Variants in LRRC9 observed in about 807,000 individuals in gnomAD.
LRRC9 encodes the protein leucine rich repeat containing 9.
A neutral mutation model predicts 63.2 loss-of-function variants in LRRC9; 122 were observed. That is an observed-to-expected ratio of 1.93 (90% confidence interval 1.67 to 2.24). The LOEUF (loss-of-function observed/expected upper bound fraction) is 2.24. Among genes scored for constraint, LRRC9 ranks in the 30% most tolerant of loss-of-function variants. The pLI, the probability that LRRC9 is intolerant of heterozygous loss-of-function variation, is 0.00. For missense variants in LRRC9, 1,071 were observed against 627.7 expected (o/e 1.71, Z -7.55); for synonymous variants, 366 against 213.1 (o/e 1.72, Z -6.25).
At chr14:59,982,004 T>C (rs1367513774) in exon 16 of LRRC9, 1 of 702,592 alleles carries the variant, frequency 1.4e-6, no homozygotes, top group East Asian at 2.7e-5. Flanking sequence ...ACTGATTAGT[T>C]TGGATGATAA....
intron 30 of LRRC9, among the ~76,000 whole-genome samples, chr14:60,056,988 G>A (rs1243384551): frequency 6.6e-6 from 1 of 152,172 alleles, no homozygotes; most frequent in Non-Finnish European, 1.5e-5. Context: ...GTGATGGGAA[G>A]AAACTCCCAT....
rs200963575 is a variant in LRRC9, at chr14:59,962,409, A to AT, written c.1211+1376dup. On this transcript the variant is annotated intron_variant, in intron 10 of 31. Coordinates refer to ENST00000445360, the Ensembl canonical transcript of LRRC9. The surrounding 1 kb of genome is among the most constrained non-coding windows in gnomAD (Gnocchi z 5.1). The stretch of plus-strand genomic sequence containing the variant: ...TTTATATTCACTCAACCTAAACAGG[A>AT]TTTTTTTTTTTTGAGATAGAGTCTC... 0.019 allele frequency among the ~76,000 whole-genome samples: 2,736 copies of AT among 146,996 alleles called. 107 individuals carry two copies. The East Asian group carries it at 0.19, about 10-fold the overall frequency.
At position 59,958,787 on chromosome 14, in the gene LRRC9, T is replaced by C. The variant is rs960360147; in HGVS notation, c.883-1031T>C. On this transcript the variant is annotated intron_variant, in intron 8 of 31. Coordinates refer to ENST00000445360, the Ensembl canonical transcript of LRRC9. The surrounding 1 kb of genome is among the most constrained non-coding windows in gnomAD (Gnocchi z 4.0). ...ACGAGGGAATCTCCTGATCTGCAGA[T>C]TGCAAAAACGGTGGGAAAAGCATAG... Among the ~76,000 whole-genome samples the C allele has an allele frequency of 1.3e-5, 2 of 152,220 alleles. No individual in the cohort carries two copies. Among genetic ancestry groups the C allele is most frequent in the African/African-American group, 4.8e-5 (2 of 41,454 alleles).
intron 12 of LRRC9, 89 bp downstream of exon 12, chr14:59,967,302 C>A (rs1235205744): frequency 1.0e-5 from 5 of 481,638 alleles, no homozygotes; most frequent in East Asian, 8.8e-5. Flanking sequence ...ATCCTTTTAT[C>A]CATATTTATA....
At chr14:60,046,076 G>A (rs985944013) in intron 29 of LRRC9, among the ~76,000 whole-genome samples, 1 of 152,138 alleles carries the variant, frequency 6.6e-6, no homozygotes, top group Non-Finnish European at 1.5e-5. Flanking sequence ...CTGCTTTTGA[G>A]AAGTATCTGT....
chr14:60,002,290 C>T (rs897873959), intron 20 of LRRC9, among the ~76,000 whole-genome samples, 190 bp downstream of exon 20: 7 of 152,250 alleles, frequency 4.6e-5, no homozygotes, highest in Middle Eastern at 3.4e-3. Context: ...AATACCGTAT[C>T]GTTAACTTTA....
At chr14:59,977,229 C>T (rs2140074694) in exon 14 of LRRC9, 2 of 669,412 alleles carry the variant, frequency 3.0e-6, no homozygotes, top group South Asian at 1.6e-5. Flanking sequence ...ATTTAGGCAT[C>T]CTCCTCATTA....
At chr14:59,983,543 A>G in intron 16 of LRRC9, among the ~76,000 whole-genome samples, 1 of 152,206 alleles carries the variant, frequency 6.6e-6, no homozygotes, top group East Asian at 1.9e-4. Context: ...TTTGAAGGAC[A>G]TGAGAAATTT....
At chr14:60,050,685 A>AT (rs1031850074) in intron 29 of LRRC9, among the ~76,000 whole-genome samples, 32 of 151,630 alleles carry the variant, frequency 2.1e-4, no homozygotes, top group Non-Finnish European at 2.1e-4. Flanking sequence ...TTTTGCATTG[A>AT]TTTTTTTCTC....
chr14:59,939,162 TCTC>T (rs1022522352), intron 7 of LRRC9, among the ~76,000 whole-genome samples: 17 of 151,068 alleles, frequency 1.1e-4, no homozygotes, highest in African/African-American at 3.9e-4. Context: ...AACAACCACT[TCTC>T]CTTTGGAATA....
At chr14:59,928,342 C>T in exon 3 of LRRC9, 1 of 682,920 alleles carries the variant, frequency 1.5e-6, no homozygotes, top group Non-Finnish European at 2.6e-6. Context: ...AGATGTTTTT[C>T]TTAGGGTATC....
At chr14:60,066,568 T>G (rs1894887791), downstream of LRRC9, among the ~76,000 whole-genome samples, 1 of 152,162 alleles carries the variant, frequency 6.6e-6, no homozygotes, top group South Asian at 2.1e-4. Flanking sequence ...CACCTGCAAG[T>G]GCTAACTATG....
In LRRC9 at chr14:59,974,957, T is replaced by A. The variant is rs147943540; in HGVS notation, c.1639+249T>A. 4.7e-5 allele frequency among the ~76,000 whole-genome samples: 7 copies of A among 149,712 alleles called. No individual in the cohort carries two copies. In the East Asian group the frequency reaches 1.4e-3, roughly 29 times the overall value. On this transcript the variant is annotated intron_variant, in intron 13 of 31. Transcript: ENST00000445360. Reference sequence around the variant, plus strand: ...GAACATTTGTTACTCAGATATTTAATTCAACTTTTCAGGGACATTTTTCAC... The same window carrying A: ...GAACATTTGTTACTCAGATATTTAAATCAACTTTTCAGGGACATTTTTCAC...
At chr14:60,022,945 C>A (rs1238178997) in intron 27 of LRRC9, 75 bp downstream of exon 27, 4 of 434,422 alleles carry the variant, frequency 9.2e-6, no homozygotes, top group Non-Finnish European at 1.2e-5. Flanking sequence ...TTTTGATAAG[C>A]AAATATAAGC....
chr14:59,927,014 T>C lies in LRRC9; in HGVS notation c.-33-897T>C, dbSNP rs1212735665. Reference sequence around the variant, plus strand: ...TCTTTTCCATTTTTGCCTAGATCTCTCCCATCCAGCTTTACATTTGTATTC... The same window carrying C: ...TCTTTTCCATTTTTGCCTAGATCTCCCCCATCCAGCTTTACATTTGTATTC... On this transcript the variant is annotated intron_variant, in intron 1 of 31. Transcript: ENST00000445360. This position sits in a 1 kb window ranked among gnomAD's most constrained non-coding sequence, Gnocchi z 4.4. 6.6e-6 allele frequency among the ~76,000 whole-genome samples: 1 copy of C among 152,128 alleles called. No homozygotes were observed. Among genetic ancestry groups the C allele is most frequent in the Non-Finnish European group, 1.5e-5 (1 of 67,968 alleles).
chr14:60,009,215 G>T (rs935337849), intron 23 of LRRC9, among the ~76,000 whole-genome samples: 1 of 152,160 alleles, frequency 6.6e-6, no homozygotes, highest in Admixed American at 6.5e-5. Flanking sequence ...CACTGACAAT[G>T]AGTGTATTAG....
At chr14:60,041,405 G>A (rs145321576) in intron 29 of LRRC9, among the ~76,000 whole-genome samples, 155 of 152,256 alleles carry the variant, frequency 1.0e-3, no homozygotes, top group African/African-American at 3.6e-3. Context: ...CCAATCACAC[G>A]TAGATATGGT....
chr14:60,050,106 C>T (rs1234778302), intron 29 of LRRC9, among the ~76,000 whole-genome samples: 1 of 149,524 alleles, frequency 6.7e-6, no homozygotes, highest in East Asian at 2.0e-4. Flanking sequence ...AAGTGATTCT[C>T]CTGCCTCAGC....
At chr14:59,981,529 C>G (rs763536292) in intron 15 of LRRC9, among the ~76,000 whole-genome samples, 26 of 152,142 alleles carry the variant, frequency 1.7e-4, no homozygotes, top group Admixed American at 3.3e-4. Flanking sequence ...ATTTCTGATC[C>G]TATTTACCTG....
Sources: gnomAD v4.1 joint callset for allele counts (sites outside exome capture counted in the v4.1 genomes callset) on GRCh38, gnomAD v4.1.1 for gene constraint, Gnocchi (gnomAD v3.1) non-coding constraint, MANE v1.5 for transcripts, NCBI Gene and HGNC (gene_info 2026-07-23, HGNC 2026-07-21) for gene names.